The following EML6 variants were observed in gnomAD, a reference collection of about 807,000 sequenced individuals.
EML6 encodes echinoderm microtubule-associated protein-like 6.
In EML6, 154 loss-of-function variants were observed where a neutral mutation model predicts 240.1. That is an observed-to-expected ratio of 0.64 (90% CI 0.56 to 0.73). EML6 has a LOEUF of 0.73. Among genes scored for constraint, EML6 ranks in the 30% least tolerant of loss-of-function variants. EML6 has a pLI of 0.00. For synonymous variants in EML6, 1,148 were observed against 899.0 expected, an observed-to-expected ratio of 1.28 and a Z score of -4.95; for missense variants, 2,964 against 2,474.6, an observed-to-expected ratio of 1.20 and a Z score of -4.20.
intron 22 of EML6, among the ~76,000 whole-genome samples, chr2:54,902,451 G>C (rs1317084078): frequency 6.6e-6 from 1 of 152,180 alleles, no homozygotes; most frequent in Non-Finnish European, 1.5e-5. Context: ...CCAGTCTGGA[G>C]TGCCATGGCA....
intron 2 of EML6, among the ~76,000 whole-genome samples, chr2:54,743,093 A>G (rs1683726702): frequency 6.6e-6 from 1 of 152,260 alleles, no homozygotes; most frequent in Non-Finnish European, 1.5e-5. Context: ...AACTAGTAAG[A>G]TAATGATTTA....
Position 54,741,173 on chromosome 2 carries a change from T to C in EML6, c.197+15915T>C, listed in dbSNP as rs188873837. On this transcript the variant is annotated intron_variant, in intron 2 of 41. Coordinates refer to ENST00000356458, the MANE Select transcript of EML6 (RefSeq NM_001039753.4). ...TTGTCCAGAGAGCCCCAAGTGCAGC[T>C]GATCTTGGCCTCTCTATCTTACTGC... Among the ~76,000 whole-genome samples, 281 of 152,260 alleles carry C rather than the reference T, an allele frequency of 1.8e-3. 2 individuals carry two copies. The highest frequency in any genetic ancestry group is 6.5e-3 in the Admixed American group (99 of 15,292).
chr2:54,963,201 A>T (rs1444784652), intron 36 of EML6, among the ~76,000 whole-genome samples: 1 of 152,234 alleles, frequency 6.6e-6, no homozygotes, highest in African/African-American at 2.4e-5. Context: ...CAAGTACTCA[A>T]GTTCAACTAA....
chr2:54,756,746 C>G (rs1025205983), intron 2 of EML6, among the ~76,000 whole-genome samples: 2 of 151,830 alleles, frequency 1.3e-5, no homozygotes, highest in African/African-American at 4.8e-5. Context: ...GTCATTATTC[C>G]TGGCATACTG....
rs1485231801 is a variant in EML6 at position 54,724,498 on chromosome 2, T to G, written c.-513-51T>G. ...GGATAATTTTCTTGGATTGGGTGACTTATGCGAAAAATCTGTTTCTTTCTT... is the reference window on the plus strand; with the variant it reads ...GGATAATTTTCTTGGATTGGGTGACGTATGCGAAAAATCTGTTTCTTTCTT... On this transcript the variant is annotated intron_variant, in intron 1 of 41. Coordinates refer to ENST00000356458, the MANE Select transcript of EML6 (RefSeq NM_001039753.4). This position sits in a 1 kb window ranked among gnomAD's most constrained non-coding sequence, Gnocchi z 5.2. 1.3e-5 allele frequency: 2 copies of G among 152,266 alleles called. No homozygotes were observed. Among genetic ancestry groups the G allele is most frequent in the African/African-American group, 4.8e-5 (2 of 41,546 alleles). 9.4% of individuals were successfully genotyped at this position (152,266 alleles called of 1,614,324 possible).
At chr2:54,739,417 G>A (rs1257889946) in intron 2 of EML6, among the ~76,000 whole-genome samples, 2 of 152,190 alleles carry the variant, frequency 1.3e-5, no homozygotes, top group Admixed American at 1.3e-4. Flanking sequence ...TTACAAGTTA[G>A]TGAAAATGAA....
intron 15 of EML6, among the ~76,000 whole-genome samples, chr2:54,871,156 C>G (rs1366087717): frequency 1.3e-5 from 2 of 152,260 alleles, no homozygotes; most frequent in East Asian, 3.9e-4. Context: ...ACTTCCCTGA[C>G]TGAGAAGCAG....
chr2:54,911,927 A>G (rs1360840341), intron 25 of EML6, among the ~76,000 whole-genome samples: 3 of 152,202 alleles, frequency 2.0e-5, no homozygotes. Context: ...GCTTTTGTAG[A>G]TGCGTACCTC....
rs569691100 is a variant in EML6 at position 54,895,018 on chromosome 2, G to T, written c.2846G>T (p.Ser949Ile). The change falls in exon 20 of 42, where the codon AGC (serine) becomes ATC (isoleucine). Residue 949 changes from serine (S) to isoleucine (I), a missense_variant. Ser to Ile is a moderately radical substitution (Grantham distance 142). Transcript: ENST00000356458. ...ATTAAAAGATCAGCATTGTCGACTA[G>T]CTCAAAAGGTGCCACTCCCAAACAT... is the stretch of plus-strand genomic sequence containing the variant. ...YAIKRSALSTSSKGLLLEDNP... is the reference protein window; with the variant it reads ...YAIKRSALSTISKGLLLEDNP... 2 of 1,549,180 alleles carry T rather than the reference G, an allele frequency of 1.3e-6. No homozygotes were observed. The highest frequency in any genetic ancestry group is 4.9e-5 in the East Asian group (2 of 40,896).
intron 37 of EML6, 125 bp downstream of exon 37, chr2:54,964,283 C>A: frequency 1.1e-6 from 1 of 950,574 alleles, no homozygotes; most frequent in Non-Finnish European, 1.5e-6. Context: ...AACAAGCCAC[C>A]TATGAAAGAA....
intron 2 of EML6, among the ~76,000 whole-genome samples, chr2:54,754,996 T>C (rs560143522): frequency 2.0e-5 from 3 of 152,376 alleles, no homozygotes; most frequent in African/African-American, 7.2e-5. Flanking sequence ...CCACAATGGA[T>C]ACCACAGTTC....
intron 11 of EML6, 37 bp downstream of exon 11, chr2:54,853,892 T>G (rs1573006946): frequency 7.3e-7 from 1 of 1,376,562 alleles, no homozygotes; most frequent in East Asian, 2.5e-5. Context: ...CATAAAGATT[T>G]ACTCTAAACT....
intron 7 of EML6, 75 bp from the exon 8 acceptor site, chr2:54,843,972 G>GTGTC: frequency 2.4e-6 from 2 of 844,060 alleles, no homozygotes; most frequent in Non-Finnish European, 3.8e-6. Context: ...TTTTGTGTGT[G>GTGTC]TGTGTGTGTG....
chr2:54,743,211 C>G (rs968682552), intron 2 of EML6, among the ~76,000 whole-genome samples: 1 of 152,148 alleles, frequency 6.6e-6, no homozygotes, highest in Non-Finnish European at 1.5e-5. Context: ...GCAGGGTGCA[C>G]GCACATACAC....
rs1307873396 is a variant in EML6, at chr2:54,871,601, T to C, written c.2340T>C (p.Phe780=). The C allele has an allele frequency of 3.9e-6, 6 of 1,549,248 alleles. No individual in the cohort carries two copies. Among genetic ancestry groups the C allele is most frequent in the Non-Finnish European group, 4.4e-6 (5 of 1,144,720 alleles). The part of the protein sequence containing the change: ...QHQRGVCALD[F]SADGKCLVSV... ...AGAGAGGAGTGTGTGCACTTGATTTTTCAGGTAAGGTCCAGAGTGATTGAC... is the reference window on the plus strand; with the variant it reads ...AGAGAGGAGTGTGTGCACTTGATTTCTCAGGTAAGGTCCAGAGTGATTGAC... Residue 780 remains phenylalanine, a synonymous_variant, in exon 16 of 42, where the codon TTT becomes TTC. Coordinates refer to ENST00000356458, the MANE Select transcript of EML6 (RefSeq NM_001039753.4).
At chr2:54,955,586 A>G (rs541865494) in intron 32 of EML6, among the ~76,000 whole-genome samples, 3 of 152,146 alleles carry the variant, frequency 2.0e-5, no homozygotes, top group Non-Finnish European at 4.4e-5. Flanking sequence ...CACTGGCCCC[A>G]CTGCACGGCC....
chr2:54,785,415 T>C (rs563786121), intron 2 of EML6, among the ~76,000 whole-genome samples: 1 of 152,092 alleles, frequency 6.6e-6, no homozygotes, highest in East Asian at 1.9e-4. Flanking sequence ...CCTCAAGTGA[T>C]CCTCCCACCT....
chr2:54,780,665 C>T (rs1360508951), intron 2 of EML6, among the ~76,000 whole-genome samples: 2 of 152,274 alleles, frequency 1.3e-5, no homozygotes, highest in African/African-American at 4.8e-5. Context: ...TAGGGAACTA[C>T]CTCAAATGTA....
chr2:54,863,227 T>C (rs747068337), intron 12 of EML6, among the ~76,000 whole-genome samples: 1 of 152,232 alleles, frequency 6.6e-6, no homozygotes, highest in Non-Finnish European at 1.5e-5. Context: ...GGGTTTATTT[T>C]TGCCCTAGCC....
Sources: allele counts gnomAD v4.1 joint callset (sites outside exome capture counted in the v4.1 genomes callset), GRCh38; gene constraint gnomAD v4.1.1; non-coding constraint Gnocchi (gnomAD v3.1); transcripts MANE v1.5; gene names NCBI Gene and HGNC (gene_info 2026-07-23, HGNC 2026-07-21).